Variants in WDR19 observed in about 807,000 individuals in gnomAD.
WDR19 encodes the protein WD repeat-containing protein 19.
Under a neutral mutation model 180.0 loss-of-function variants are expected in WDR19, and 121 were observed. That is an observed-to-expected ratio of 0.67 (90% confidence interval 0.58 to 0.78). The LOEUF (loss-of-function observed/expected upper bound fraction) is 0.78, where lower values mean the gene tolerates loss of function less well. Among genes scored for constraint, WDR19 ranks in the 30% least tolerant of loss-of-function variants. The pLI, the probability that WDR19 is intolerant of heterozygous loss-of-function variation, is 0.00. For missense variants in WDR19, 1,450 were observed against 1,640.7 expected (o/e 0.88, Z 2.01); for synonymous variants, 497 against 540.7 (o/e 0.92, Z 1.12).
intron 17 of WDR19, among the ~76,000 whole-genome samples, chr4:39,229,009 G>A (rs1182633674): frequency 2.0e-5 from 3 of 152,116 alleles, no homozygotes; most frequent in Non-Finnish European, 4.4e-5. Context: ...GTATGTCCAT[G>A]TGTACCCATT....
chr4:39,211,448 C>T (rs1728493613), intron 9 of WDR19, among the ~76,000 whole-genome samples: 2 of 152,084 alleles, frequency 1.3e-5, no homozygotes, highest in Non-Finnish European at 2.9e-5. Context: ...ACATAAAAAT[C>T]TTGGAATTTT....
intron 36 of WDR19, among the ~76,000 whole-genome samples, chr4:39,284,056 AAATTTTTTTAACTTGGGATTTTCTAG>A (rs1215451772): frequency 1.3e-5 from 2 of 152,082 alleles, no homozygotes; most frequent in African/African-American, 4.8e-5. Flanking sequence ...TGTGGTTTTT[AAATTTTTTTAACTTGGGATTTTCTAG>A]AATTCTCGAA....
intron 9 of WDR19, among the ~76,000 whole-genome samples, chr4:39,210,121 T>A (rs1055733187): frequency 6.6e-6 from 1 of 152,192 alleles, no homozygotes; most frequent in Non-Finnish European, 1.5e-5. Flanking sequence ...ACCAATTTTT[T>A]AAAAATCTCT....
chr4:39,195,138 T>C (rs578028260), intron 5 of WDR19, among the ~76,000 whole-genome samples: 4 of 151,924 alleles, frequency 2.6e-5, no homozygotes, highest in African/African-American at 7.2e-5. Flanking sequence ...GAGGCCAAGA[T>C]GGGTGGATCA....
chr4:39,274,526 G>C (rs915558194), intron 32 of WDR19: 6 of 366,636 alleles, frequency 1.6e-5, no homozygotes, highest in African/African-American at 4.0e-5. Flanking sequence ...TATCTAAGAG[G>C]CATGAAAGGA....
chr4:39,273,518 G>A (rs1735589869), intron 32 of WDR19: 1 of 155,080 alleles, frequency 6.4e-6, no homozygotes, highest in African/African-American at 2.4e-5. Context: ...CCCCCTGCGT[G>A]GCATGTGCCC....
At chr4:39,267,280 G>A (rs1442955432) in intron 29 of WDR19, among the ~76,000 whole-genome samples, 1 of 152,088 alleles carries the variant, frequency 6.6e-6, no homozygotes, top group Admixed American at 6.5e-5. Context: ...GTCACTGATT[G>A]GAAACGAGGG....
intron 35 of WDR19, 21 bp downstream of exon 35, chr4:39,278,228 T>G: frequency 6.3e-7 from 1 of 1,578,690 alleles, no homozygotes; most frequent in Non-Finnish European, 8.6e-7. Flanking sequence ...ATCACGTCAC[T>G]CAGTCTCACT....
chr4:39,209,040 C>G (rs1029373421), intron 9 of WDR19, among the ~76,000 whole-genome samples: 1 of 152,070 alleles, frequency 6.6e-6, no homozygotes, highest in Non-Finnish European at 1.5e-5. Context: ...AACACTGCAC[C>G]CAGCAGCAAC....
At position 39,242,621 on chromosome 4, in the gene WDR19, A is replaced by C. The variant is rs530724504; in HGVS notation, c.2422-1627A>C. On this transcript the variant is annotated intron_variant, in intron 21 of 36. Transcript: ENST00000399820. Reference sequence around the variant, plus strand: ...GAGGAATGCTTGACACCAGGAGTTCAAGACCAGCTGGACAACAAAGCAAGA... The same window carrying C: ...GAGGAATGCTTGACACCAGGAGTTCCAGACCAGCTGGACAACAAAGCAAGA... Among the ~76,000 whole-genome samples the C allele has an allele frequency of 7.9e-5, 12 of 152,226 alleles. No individual in the cohort carries two copies. In the East Asian group the frequency reaches 2.3e-3, roughly 29 times the overall value.
At chr4:39,257,666 T>C (rs1733894109) in intron 28 of WDR19, 112 bp downstream of exon 28, 2 of 914,358 alleles carry the variant, frequency 2.2e-6, no homozygotes, top group African/African-American at 1.7e-5. Context: ...AACCCCTACA[T>C]ACCTATCGTG....
At position 39,257,518 on chromosome 4, in the gene WDR19, G is replaced by A. The variant is rs751070560; in HGVS notation, c.3147G>A (p.Ser1049=). The change falls in exon 28 of 37, where the codon TCG becomes TCA. Residue 1049 remains serine, a synonymous_variant. Transcript: ENST00000399820. The stretch of plus-strand genomic sequence containing the variant: ...AACACTTCCTGAAATGCCCAAGCTC[G>A]GAAGATAATGTGGCAATAGAAATGG... ...ALKHFLKCPS[S]EDNVAIEMAI... 1.4e-5 allele frequency: 22 copies of A among 1,589,594 alleles called. No individual in the cohort carries two copies. The highest frequency in any genetic ancestry group is 9.2e-5 in the South Asian group (8 of 87,256).
chr4:39,222,653 T>C (rs1470139429), intron 14 of WDR19, among the ~76,000 whole-genome samples: 1 of 152,230 alleles, frequency 6.6e-6, no homozygotes, highest in Non-Finnish European at 1.5e-5. Context: ...GAAAAGATTA[T>C]CCTTCTCTAT....
At chr4:39,248,285 T>C (rs1427432783) in intron 24 of WDR19, among the ~76,000 whole-genome samples, 3 of 151,882 alleles carry the variant, frequency 2.0e-5, no homozygotes, top group Non-Finnish European at 4.4e-5. Flanking sequence ...TAAAATACTT[T>C]ACAGACAAGC....
chr4:39,235,673 A>G (rs1459582566), intron 20 of WDR19, among the ~76,000 whole-genome samples: 1 of 152,238 alleles, frequency 6.6e-6, no homozygotes, highest in Non-Finnish European at 1.5e-5. Context: ...GCACAGCAAA[A>G]GAAACAATCA....
chr4:39,256,053 T>C, intron 27 of WDR19, 93 bp downstream of exon 27: 1 of 838,246 alleles, frequency 1.2e-6, no homozygotes, highest in East Asian at 2.7e-5. Flanking sequence ...GAAATATATG[T>C]AAATGCCAGT....
intron 8 of WDR19, 146 bp downstream of exon 8, chr4:39,205,412 G>A: frequency 1.7e-6 from 2 of 1,172,568 alleles, no homozygotes; most frequent in Non-Finnish European, 2.4e-6. Context: ...GATTTAGTAT[G>A]CAAAACTACC....
intron 9 of WDR19, among the ~76,000 whole-genome samples, chr4:39,210,578 G>T (rs532812147): frequency 6.6e-6 from 1 of 152,250 alleles, no homozygotes; most frequent in South Asian, 2.1e-4. Flanking sequence ...AGGAAGCTGA[G>T]GTGGGAGGAT....
At chr4:39,218,190 C>A in intron 14 of WDR19, 85 bp downstream of exon 14, 1 of 1,460,094 alleles carries the variant, frequency 6.8e-7, no homozygotes, top group South Asian at 1.3e-5. Flanking sequence ...TCCTACCAGT[C>A]TTTTTTCTAT....
Sources: allele counts gnomAD v4.1 joint callset (sites outside exome capture counted in the v4.1 genomes callset), GRCh38; gene constraint gnomAD v4.1.1; transcripts MANE v1.5; gene names NCBI Gene and HGNC (gene_info 2026-07-23, HGNC 2026-07-21).